Variants in OSMR observed in about 807,000 individuals in gnomAD.
OSMR encodes oncostatin-M-specific receptor subunit beta.
A neutral mutation model predicts 99.9 loss-of-function variants in OSMR; 81 were observed. That is an observed-to-expected ratio of 0.81 (90% CI 0.68 to 0.97). The LOEUF is 0.97. Among genes scored for constraint, OSMR ranks in the 50% least tolerant of loss-of-function variants. OSMR has a pLI of 0.00. For missense variants in OSMR, 1,099 were observed against 1,153.4 expected, an observed-to-expected ratio of 0.95 and a Z score of 0.68; for synonymous variants, 406 against 410.4, an observed-to-expected ratio of 0.99 and a Z score of 0.13.
At chr5:38,916,736 G>A (rs1745919211) in intron 9 of OSMR, among the ~76,000 whole-genome samples, 1 of 152,078 alleles carries the variant, frequency 6.6e-6, no homozygotes, top group South Asian at 2.1e-4. Flanking sequence ...TCTGAGTGAG[G>A]GATGGAGACA....
chr5:38,930,954 G>C (rs1443302711), intron 15 of OSMR, among the ~76,000 whole-genome samples: 1 of 138,148 alleles, frequency 7.2e-6, no homozygotes, highest in East Asian at 2.2e-4. Context: ...GTGTGTGTGT[G>C]TGTGTGTGTG....
intron 1 of OSMR, among the ~76,000 whole-genome samples, chr5:38,852,925 G>A (rs1740528026): frequency 6.6e-6 from 1 of 151,352 alleles, no homozygotes; most frequent in Non-Finnish European, 1.5e-5. Flanking sequence ...TAGAGACGGG[G>A]TTTCACCGTG....
intron 2 of OSMR, among the ~76,000 whole-genome samples, chr5:38,872,067 C>T (rs1019509004): frequency 5.9e-5 from 9 of 152,234 alleles, no homozygotes; most frequent in African/African-American, 1.7e-4. Flanking sequence ...TCTGATTGTG[C>T]GGCTGTGGCA....
intron 1 of OSMR, chr5:38,943,195 A>G (rs576557225): frequency 2.5e-6 from 1 of 405,236 alleles, no homozygotes; most frequent in Admixed American, 3.9e-5. Flanking sequence ...AAACCTGAAT[A>G]CTTCTTGTAA....
intron 15 of OSMR, among the ~76,000 whole-genome samples, chr5:38,931,027 G>C (rs1746718899): frequency 6.6e-6 from 1 of 151,030 alleles, no homozygotes; most frequent in African/African-American, 2.4e-5. Flanking sequence ...TATCTGCGTG[G>C]CCTTCCCAGC....
At chr5:38,910,036 T>C (rs530254926) in intron 9 of OSMR, among the ~76,000 whole-genome samples, 9 of 152,196 alleles carry the variant, frequency 5.9e-5, no homozygotes, top group Non-Finnish European at 1.3e-4. Context: ...CAGAAAAATC[T>C]ACCAACCAAA....
In OSMR at chr5:38,933,514, C is replaced by T; in HGVS notation, c.*70C>T. On this transcript the variant is annotated 3_prime_UTR_variant, in exon 18 of 18. Transcript: ENST00000274276. ...GAGCAGAGCTGGCACCCTGTCATCACCAGTGGCCTTGGTCCTTAATCCCAG... is the reference window on the plus strand; with the variant it reads ...GAGCAGAGCTGGCACCCTGTCATCATCAGTGGCCTTGGTCCTTAATCCCAG... 1 of 1,552,462 alleles carries T rather than the reference C, an allele frequency of 6.4e-7. No homozygotes were observed. The highest frequency in any genetic ancestry group is 8.9e-7 in the Non-Finnish European group (1 of 1,127,682).
chr5:38,920,980 T>C (rs762366387), intron 11 of OSMR, among the ~76,000 whole-genome samples: 6 of 152,236 alleles, frequency 3.9e-5, no homozygotes, highest in African/African-American at 1.2e-4. Context: ...ATTTTCTTCT[T>C]TTTTGTCTTC....
In OSMR at chr5:38,932,497, C is replaced by G. The variant is rs1746798771; in HGVS notation, c.2329C>G (p.Pro777Ala). 1 of 1,613,794 alleles carries G rather than the reference C, an allele frequency of 6.2e-7. No homozygotes were observed. Among genetic ancestry groups the G allele is most frequent in the Non-Finnish European group, 8.5e-7 (1 of 1,179,788 alleles). ...GACCTGTTATCCTGACATCCCTGAC[C>G]CTTACAAGAGCAGCATCCTGTCATT... is the stretch of plus-strand genomic sequence containing the variant. The part of the protein sequence containing the change: ...KETCYPDIPD[P>A]YKSSILSLIK... Residue 777 changes from proline to alanine, a missense_variant, in exon 17 of 18, where the codon CCT becomes GCT. By Grantham distance (27) the Pro-to-Ala change is conservative. Coordinates refer to ENST00000274276, the MANE Select transcript of OSMR (RefSeq NM_003999.3).
intron 9 of OSMR, among the ~76,000 whole-genome samples, chr5:38,907,937 CT>C (rs1223199534): frequency 3.3e-5 from 5 of 152,166 alleles, no homozygotes; most frequent in African/African-American, 1.2e-4. Flanking sequence ...CCTGCCTCCC[CT>C]GGTGCTTCCA....
At chr5:38,862,723 GCGGCCGGGAAGAGGCGC>G (rs1741552870) in intron 1 of OSMR, among the ~76,000 whole-genome samples, 2 of 151,280 alleles carry the variant, frequency 1.3e-5, no homozygotes, top group African/African-American at 4.9e-5. Flanking sequence ...AGATGGGATG[GCGGCCGGGAAGAGGCGC>G]TCCTCACTTC....
chr5:38,854,246 C>T (rs1001225535), intron 1 of OSMR, among the ~76,000 whole-genome samples: 17 of 152,178 alleles, frequency 1.1e-4, no homozygotes, highest in Non-Finnish European at 2.2e-4. Flanking sequence ...TTTGTCAACA[C>T]ACCCACATTC....
chr5:38,901,798 G>A (rs1047285582), intron 7 of OSMR, among the ~76,000 whole-genome samples: 3 of 152,210 alleles, frequency 2.0e-5, no homozygotes, highest in Non-Finnish European at 2.9e-5. Context: ...TCCAAGGCCT[G>A]TTGTCGCAAA....
chr5:38,873,054 A>G (rs187719087), intron 2 of OSMR, among the ~76,000 whole-genome samples: 1 of 152,220 alleles, frequency 6.6e-6, no homozygotes, highest in African/African-American at 2.4e-5. Context: ...AAACATTTTC[A>G]TTACCCCAGA....
intron 3 of OSMR, 150 bp from the exon 4 acceptor site, chr5:38,881,443 T>C: frequency 6.5e-7 from 1 of 1,537,728 alleles, no homozygotes. Flanking sequence ...CATCAGAACA[T>C]GGGGAATTGA....
At chr5:38,942,201 C>T (rs920070778) in intron 1 of OSMR, 1 of 645,322 alleles carries the variant, frequency 1.5e-6, no homozygotes, top group Non-Finnish European at 2.7e-6. Flanking sequence ...ACAGAAGATA[C>T]TCCTGTCTTT....
chr5:38,850,492 T>C (rs1384429237), intron 1 of OSMR, among the ~76,000 whole-genome samples: 4 of 152,206 alleles, frequency 2.6e-5, no homozygotes, highest in African/African-American at 4.8e-5. Flanking sequence ...TCTAGAGTCA[T>C]TGAGGCAATT....
intron 9 of OSMR, among the ~76,000 whole-genome samples, chr5:38,916,207 CTTT>C: frequency 6.6e-6 from 1 of 152,182 alleles, no homozygotes; most frequent in African/African-American, 2.4e-5. Flanking sequence ...AAACGTGTGC[CTTT>C]TTAAGATTTT....
At chr5:38,867,760 A>G (rs1306252582) in intron 1 of OSMR, among the ~76,000 whole-genome samples, 1 of 152,258 alleles carries the variant, frequency 6.6e-6, no homozygotes, top group Non-Finnish European at 1.5e-5. Flanking sequence ...AACCTAGGTT[A>G]AATTTTAATG....
Sources: allele counts gnomAD v4.1 joint callset (sites outside exome capture counted in the v4.1 genomes callset), GRCh38; gene constraint gnomAD v4.1.1; transcripts MANE v1.5; gene names NCBI Gene and HGNC (gene_info 2026-07-23, HGNC 2026-07-21).